CASP1: variants seen among roughly 807,000 people sequenced by gnomAD.
The protein encoded by CASP1 is caspase 1, also known as caspase-1.
CASP1 carries 31 observed loss-of-function variants against 41.2 expected under a neutral mutation model. The observed-to-expected ratio is 0.75, with a 90% CI of 0.57 to 1.02. The LOEUF is 1.02. CASP1 is among the 50% of genes least tolerant of loss of function. CASP1 has a pLI of 0.00. For missense variants in CASP1, 490 were observed against 495.7 expected (o/e 0.99, Z 0.11); for synonymous variants, 163 against 166.5 (o/e 0.98, Z 0.16).
intron 2 of CASP1, chr11:105,033,862 C>T (rs769471628): frequency 3.3e-6 from 2 of 612,628 alleles, no homozygotes; most frequent in African/African-American, 3.6e-5. Context: ...CCTACAGACC[C>T]CTTGCACTCA....
At chr11:105,028,147 T>TCATTGTTTC (rs1242522366) in intron 7 of CASP1, among the ~76,000 whole-genome samples, 1 of 152,114 alleles carries the variant, frequency 6.6e-6, no homozygotes, top group African/African-American at 2.4e-5. Flanking sequence ...TTGGGTAGTG[T>TCATTGTTTC]CATTGTTTCT....
chr11:105,030,217 T>C (rs1863599652), intron 5 of CASP1, 113 bp downstream of exon 5: 2 of 930,724 alleles, frequency 2.1e-6, no homozygotes, highest in Non-Finnish European at 3.3e-6. Context: ...ATGGCAAGTT[T>C]GTATTTTAGA....
At chr11:105,028,407 GAATT>G (rs1466127954) in intron 7 of CASP1, among the ~76,000 whole-genome samples, 1 of 151,986 alleles carries the variant, frequency 6.6e-6, no homozygotes, top group East Asian at 1.9e-4. Flanking sequence ...AAAAGTAACT[GAATT>G]AAGTTATCAA....
In CASP1 at chr11:105,035,120, T is replaced by A. The variant is rs1387501877; in HGVS notation, c.-7A>T. The A allele has an allele frequency of 1.2e-6, 2 of 1,613,864 alleles. No homozygotes were observed. On this transcript the variant is annotated 5_prime_UTR_variant, in exon 1 of 9. Transcript: ENST00000533400. ...TAAAAGACTCACCGGCCATGGCTTT[T>A]CTCTCCTCCCTTCTTGTGTGACTGA... is the stretch of plus-strand genomic sequence containing the variant.
rs1397778485 is a variant in CASP1, at chr11:105,030,479, T to C, written c.478A>G (p.Ser160Gly). 1 of 1,613,044 alleles carries C rather than the reference T, an allele frequency of 6.2e-7. No homozygotes were observed. Among genetic ancestry groups the C allele is most frequent in the East Asian group, 2.2e-5 (1 of 44,874 alleles). ...AEIYPIMDKS[S>G]RTRLALIICN... ...ATAATGAGAGCAAGACGTGTGCGGC[T>C]TGACTTGTCCATTATTGGATAAATC... The change falls in exon 5 of 9, where the codon AGC (serine) becomes GGC (glycine). Residue 160 changes from serine (S) to glycine (G), a missense_variant. Transcript: ENST00000533400.
intron 1 of CASP1, chr11:105,034,799 T>C: frequency 1.7e-6 from 1 of 594,430 alleles, no homozygotes. Flanking sequence ...TAGGAACCAC[T>C]GCTGCTAGTA....
chr11:105,034,135 C>A (rs1457122531), intron 2 of CASP1, 73 bp downstream of exon 2: 3 of 1,611,284 alleles, frequency 1.9e-6, no homozygotes, highest in East Asian at 2.2e-5. Context: ...ATTAACATGA[C>A]TAGTAAAGAA....
At chr11:105,025,463 GT>G, downstream of CASP1, 1 of 397,080 alleles carries the variant, frequency 2.5e-6, no homozygotes, top group South Asian at 1.9e-5. Context: ...GTCACTCTAA[GT>G]TCCAGTCCCT....
Position 105,026,360 on chromosome 11 carries a change from A to G in CASP1, c.1117-4T>C, listed in dbSNP as rs1863283887. On this transcript the variant is annotated splice_region_variant and splice_polypyrimidine_tract_variant and intron_variant, in intron 8 of 8. Transcript: ENST00000533400. ...GCTGCTCAAATGAAAATCGAACCTA[A>G]AAGAGTAAGGAAAGTCTGTAGCCCT... is the stretch of plus-strand genomic sequence containing the variant. 5.6e-6 allele frequency: 9 copies of G among 1,597,334 alleles called. No individual in the cohort carries two copies. Among genetic ancestry groups the G allele is most frequent in the Non-Finnish European group, 6.9e-6 (8 of 1,165,840 alleles).
chr11:105,026,470 C>T (rs1174140215), intron 8 of CASP1, 114 bp from the exon 9 acceptor site: 1 of 673,568 alleles, frequency 1.5e-6, no homozygotes, highest in East Asian at 2.7e-5. Context: ...GTGACAAAAA[C>T]AAAAAGTACT....
At chr11:105,029,535 A>G in intron 6 of CASP1, 130 bp downstream of exon 6, 1 of 677,718 alleles carries the variant, frequency 1.5e-6, no homozygotes. Context: ...CAGAAGCTGC[A>G]TTCTTGAATA....
chr11:105,032,423 C>T (rs920729888), intron 3 of CASP1, among the ~76,000 whole-genome samples: 1 of 152,090 alleles, frequency 6.6e-6, no homozygotes, highest in East Asian at 1.9e-4. Flanking sequence ...TCATGATACC[C>T]AACCTTAATA....
intron 6 of CASP1, 129 bp from the exon 7 acceptor site, chr11:105,029,396 C>T (rs775487328): frequency 1.3e-6 from 1 of 744,474 alleles, no homozygotes; most frequent in Non-Finnish European, 2.2e-6. Flanking sequence ...TAGACACATG[C>T]ATTTCAGTTA....
intron 3 of CASP1, 72 bp downstream of exon 3, chr11:105,032,992 G>A (rs572687): frequency 0.16 from 151,388 of 938,152 alleles, 13,798 homozygotes; most frequent in Admixed American, 0.3. Flanking sequence ...ATTTACCCAC[G>A]TTTGATCCTA....
In CASP1 at chr11:105,034,382, C is replaced by A; in HGVS notation, c.100G>T (p.Val34Leu). The change falls in exon 2 of 9, where the codon GTG becomes TTG. Residue 34 changes from valine to leucine, a missense_variant. Coordinates refer to ENST00000533400, the MANE Select transcript of CASP1 (RefSeq NM_001257118.3). ...TTCTCCATCTCTTCCTTGTTCAGCACCCTTGTCTGTAATAATTCATCCAGT... is the reference window on the plus strand; with the variant it reads ...TTCTCCATCTCTTCCTTGTTCAGCAACCTTGTCTGTAATAATTCATCCAGT... The part of the protein sequence containing the change: ...GLLDELLQTR[V>L]LNKEEMEKVK... 1 of 1,614,146 alleles carries A rather than the reference C, an allele frequency of 6.2e-7. No homozygotes were observed.
At chr11:105,026,986 G>T in intron 7 of CASP1, 35 bp from the exon 8 acceptor site, 1 of 1,166,348 alleles carries the variant, frequency 8.6e-7, no homozygotes, top group Non-Finnish European at 1.3e-6. Flanking sequence ...CTCAAGACTG[G>T]CTCTTGCCTG....
chr11:105,033,085 C>A lies in CASP1; in HGVS notation c.316G>T (p.Gly106Ter). 6.3e-7 allele frequency: 1 copy of A among 1,588,602 alleles called. No individual in the cohort carries two copies. The highest frequency in any genetic ancestry group is 8.6e-7 in the Non-Finnish European group (1 of 1,158,560). Residue 106 changes from glycine (G) to a stop codon, truncating the protein, a stop_gained, in exon 3 of 9, where the codon GGA becomes TGA. Coordinates refer to ENST00000533400, the MANE Select transcript of CASP1 (RefSeq NM_001257118.3). LOFTEE classifies it high-confidence loss of function. ...GNYLNMQDSQ[G>*]VLSSFPAPQA... The stretch of plus-strand genomic sequence containing the variant: ...TTACCTGGAAAGGAAGAAAGTACTC[C>A]TTGAGAGTCTTGCATATTAAGGTAA...
chr11:105,028,957 C>A (rs1429801599), intron 7 of CASP1, among the ~76,000 whole-genome samples, 167 bp downstream of exon 7: 1 of 152,068 alleles, frequency 6.6e-6, no homozygotes, highest in Non-Finnish European at 1.5e-5. Flanking sequence ...ATTAGTAATG[C>A]ATTGAACAGA....
chr11:105,033,153 T>C, intron 2 of CASP1, 27 bp from the exon 3 acceptor site: 2 of 1,364,472 alleles, frequency 1.5e-6, no homozygotes, highest in African/African-American at 1.4e-5. Flanking sequence ...GGTATTGAAG[T>C]AGTCACTTAT....
Sources: gnomAD v4.1 joint callset for allele counts (sites outside exome capture counted in the v4.1 genomes callset) on GRCh38, gnomAD v4.1.1 for gene constraint, MANE v1.5 for transcripts, NCBI Gene and HGNC (gene_info 2026-07-23, HGNC 2026-07-21) for gene names.